The following OR56A3 variants were observed in gnomAD, a reference collection of about 807,000 sequenced individuals.
OR56A3 encodes the protein olfactory receptor family 56 subfamily A member 3, also known as olfactory receptor 56A3.
Under a neutral mutation model 17.5 loss-of-function variants are expected in OR56A3, and 23 were observed. The observed-to-expected ratio is 1.32, with a 90% confidence interval of 0.95 to 1.87. OR56A3 has a LOEUF of 1.87. Ranked by LOEUF, OR56A3 falls within the 40% of genes most tolerant of loss-of-function variation. OR56A3 has a pLI of 0.00. For missense variants in OR56A3, 366 were observed against 380.1 expected, an observed-to-expected ratio of 0.96 and a Z score of 0.31; for synonymous variants, 175 against 150.6, an observed-to-expected ratio of 1.16 and a Z score of -1.19.
At chr11:5,965,028 G>T in the OR56A3 span, among the ~76,000 whole-genome samples, 2,143 of 152,212 alleles carry the variant, frequency 0.014, 58 homozygotes, top group African/African-American at 0.049. Context: ...GGTATTTAAT[G>T]CATGGATAAT....
chr11:5,996,047 T>C, the OR56A3 span, among the ~76,000 whole-genome samples: 1 of 152,160 alleles, frequency 6.6e-6, no homozygotes, highest in Non-Finnish European at 1.5e-5. Flanking sequence ...ATCCATACTA[T>C]AGCACATGAC....
chr11:5,972,606 C>A, the OR56A3 span, among the ~76,000 whole-genome samples: 2 of 152,176 alleles, frequency 1.3e-5, no homozygotes, highest in Non-Finnish European at 2.9e-5. Context: ...CTTCTCCAAG[C>A]CAGCTGGGAG....
the OR56A3 span, chr11:6,003,109 G>GT: frequency 6.3e-7 from 1 of 1,596,968 alleles, no homozygotes; most frequent in Non-Finnish European, 8.5e-7. Context: ...CTGAGGCCCT[G>GT]TATCTGTCCC....
the OR56A3 span, chr11:6,001,804 A>G: frequency 4.8e-6 from 2 of 414,574 alleles, no homozygotes; most frequent in Non-Finnish European, 8.5e-6. Context: ...TCTTTGTTGC[A>G]GATTAGATCA....
At chr11:6,001,347 A>G in the OR56A3 span, 12 of 152,282 alleles carry the variant, frequency 7.9e-5, no homozygotes, top group Non-Finnish European at 1.6e-4. Context: ...CTCCTCCCCA[A>G]CCTAAAAATC....
At chr11:5,968,675 T>A in the OR56A3 span, among the ~76,000 whole-genome samples, 9 of 152,048 alleles carry the variant, frequency 5.9e-5, no homozygotes, top group Non-Finnish European at 1.0e-4. Flanking sequence ...ACATAAATAG[T>A]GAAAGGTTTA....
intron 2 of OR56A3, among the ~76,000 whole-genome samples, chr11:5,946,234 C>G (rs1847868754): frequency 6.6e-6 from 1 of 152,268 alleles, no homozygotes; most frequent in Non-Finnish European, 1.5e-5. Context: ...CAACTCTCCT[C>G]TGCAGTCTCC....
At chr11:5,968,488 A>G in the OR56A3 span, 1 of 1,550,242 alleles carries the variant, frequency 6.5e-7, no homozygotes, top group African/African-American at 1.4e-5. Context: ...TTGCTGGGTA[A>G]TGTCATGAAA....
chr11:5,970,004 G>A, the OR56A3 span, among the ~76,000 whole-genome samples: 1 of 152,190 alleles, frequency 6.6e-6, no homozygotes, highest in Non-Finnish European at 1.5e-5. Context: ...AAATGACTAA[G>A]AAAGTTTCAC....
At chr11:6,021,483 G>A in the OR56A3 span, 5 of 152,032 alleles carry the variant, frequency 3.3e-5, no homozygotes, top group African/African-American at 1.2e-4. Flanking sequence ...CACGTTGTAT[G>A]TAACTTCATA....
At chr11:5,977,300 A>C in the OR56A3 span, among the ~76,000 whole-genome samples, 1 of 152,180 alleles carries the variant, frequency 6.6e-6, no homozygotes, top group Non-Finnish European at 1.5e-5. Flanking sequence ...ACTGCTTTCC[A>C]TAGTGGCTGA....
the OR56A3 span, among the ~76,000 whole-genome samples, chr11:5,993,457 C>T: frequency 6.6e-6 from 1 of 152,108 alleles, no homozygotes; most frequent in Non-Finnish European, 1.5e-5. Context: ...TTTTCATCAA[C>T]AATGGCAGTT....
At chr11:5,967,862 G>A in the OR56A3 span, 2 of 1,570,934 alleles carry the variant, frequency 1.3e-6, no homozygotes, top group African/African-American at 2.7e-5. Flanking sequence ...TGAGGTCAGA[G>A]CCCAGCAGGG....
the OR56A3 span, among the ~76,000 whole-genome samples, chr11:5,982,135 C>T: frequency 5.3e-5 from 8 of 152,280 alleles, no homozygotes; most frequent in Admixed American, 1.3e-4. Context: ...CTCACTTACA[C>T]GTGTGTTCAG....
chr11:5,986,719 G>A, the OR56A3 span: 159 of 1,613,802 alleles, frequency 9.9e-5, no homozygotes, highest in Middle Eastern at 6.6e-4. Flanking sequence ...GTGCAAGGAT[G>A]GGTCCATCCA....
At chr11:5,992,519 G>T in the OR56A3 span, among the ~76,000 whole-genome samples, 8 of 152,072 alleles carry the variant, frequency 5.3e-5, no homozygotes, top group African/African-American at 1.7e-4. Context: ...ATAAACTTCC[G>T]GCATGCAAAT....
At chr11:5,972,345 T>C in the OR56A3 span, among the ~76,000 whole-genome samples, 1 of 152,092 alleles carries the variant, frequency 6.6e-6, no homozygotes, top group Non-Finnish European at 1.5e-5. Context: ...CCATTGACTT[T>C]TTCTTCTTTT....
chr11:5,986,463 T>C, the OR56A3 span: 3 of 1,613,942 alleles, frequency 1.9e-6, no homozygotes, highest in Non-Finnish European at 2.5e-6. Flanking sequence ...CTATGACCCC[T>C]GGATGCAGGA....
the OR56A3 span, chr11:5,993,804 A>C: frequency 7.2e-6 from 2 of 277,110 alleles, no homozygotes; most frequent in Non-Finnish European, 7.1e-6. Flanking sequence ...ACATGTAACC[A>C]ACATTTTTTT....
Sources: allele counts gnomAD v4.1 joint callset (sites outside exome capture counted in the v4.1 genomes callset), GRCh38; gene constraint gnomAD v4.1.1; transcripts MANE v1.5; gene names NCBI Gene and HGNC (gene_info 2026-07-23, HGNC 2026-07-21).